MSI2: variants seen among roughly 807,000 people sequenced by gnomAD.
MSI2 encodes the protein RNA-binding protein Musashi homolog 2.
MSI2 carries 17 observed loss-of-function variants against 45.6 expected under a neutral mutation model. The observed-to-expected ratio is 0.37, with a 90% CI of 0.26 to 0.56. MSI2 has a LOEUF of 0.56. Among genes scored for constraint, MSI2 ranks in the 20% least tolerant of loss-of-function variants. MSI2 has a pLI of 0.77. For synonymous variants in MSI2, 156 were observed against 158.2 expected, an observed-to-expected ratio of 0.99 and a Z score of 0.11; for missense variants, 293 against 444.2, an observed-to-expected ratio of 0.66 and a Z score of 3.06.
In MSI2 at chr17:57,631,639, G is replaced by A; in HGVS notation, c.727+4336G>A. 6 of 676,848 alleles carry A rather than the reference G, an allele frequency of 8.9e-6. No individual in the cohort carries two copies. The South Asian group carries it at 1.2e-4, about 14-fold the overall frequency. The allele number at this position is 676,848 out of a possible 1,614,324, so 41.9% of individuals were successfully genotyped here. On this transcript the variant is annotated intron_variant, in intron 10 of 13. Transcript: ENST00000284073. ...AACAGCTCCTTCTTCCCACATCCAG[G>A]TGTCCACCCCAGCCTGGAATTTGGA...
chr17:57,315,037 G>C (rs1183135223), intron 5 of MSI2, among the ~76,000 whole-genome samples: 1 of 152,168 alleles, frequency 6.6e-6, no homozygotes, highest in African/African-American at 2.4e-5. Flanking sequence ...TGTGGATTGG[G>C]CTTTAGGAGC....
chr17:57,547,853 TG>T (rs920187621), intron 7 of MSI2, among the ~76,000 whole-genome samples: 1 of 152,020 alleles, frequency 6.6e-6, no homozygotes, highest in African/African-American at 2.4e-5. Context: ...AGGAAAGGAT[TG>T]TTTCAGGGGA....
intron 10 of MSI2, among the ~76,000 whole-genome samples, chr17:57,645,763 C>T (rs1344984301): frequency 2.0e-5 from 3 of 152,174 alleles, no homozygotes; most frequent in African/African-American, 7.2e-5. Flanking sequence ...GCCGAGGCTG[C>T]TCTGCAGACC....
chr17:57,334,025 T>A (rs1914494568), intron 5 of MSI2, among the ~76,000 whole-genome samples: 1 of 152,152 alleles, frequency 6.6e-6, no homozygotes, highest in Non-Finnish European at 1.5e-5. Flanking sequence ...TTCACTCCAT[T>A]GTTGTCTCCA....
At chr17:57,691,754 T>C in the MSI2 span, among the ~76,000 whole-genome samples, 8 of 152,230 alleles carry the variant, frequency 5.3e-5, no homozygotes, top group African/African-American at 1.7e-4. Context: ...ATTGGGACTT[T>C]CTATGTAGAT....
chr17:57,613,157 T>G (rs1227339830), intron 8 of MSI2, among the ~76,000 whole-genome samples: 1 of 152,236 alleles, frequency 6.6e-6, no homozygotes, highest in African/African-American at 2.4e-5. Flanking sequence ...TCCCTGTTGC[T>G]TAGCAGAAAG....
At position 57,440,413 on chromosome 17, in the gene MSI2, C is replaced by CGTGTGTGTGTGTGTGTGTGTGTGT. The variant is rs71139995; in HGVS notation, c.405+38973_405+38996dup. 1.9e-4 allele frequency among the ~76,000 whole-genome samples: 20 copies of CGTGTGTGTGTGTGTGTGTGTGTGT among 104,594 alleles called. 1 individual carries two copies. Among genetic ancestry groups the CGTGTGTGTGTGTGTGTGTGTGTGT allele is most frequent in the Admixed American group, 4.5e-4 (4 of 8,884 alleles). The allele number at this position is 104,594 out of a possible 152,430, so 68.6% of individuals were successfully genotyped here. On this transcript the variant is annotated intron_variant, in intron 6 of 13. Coordinates refer to ENST00000284073, the MANE Select transcript of MSI2 (RefSeq NM_138962.4). ...ACAGTCTTACCTGGGGTTTGTTATC[C>CGTGTGTGTGTGTGTGTGTGTGTGT]GTGTGTGTGTGTGTGTGTGTGTGTG...
chr17:57,683,005 AG>A lies in MSI2; in HGVS notation c.*3489del, dbSNP rs1487229175. On this transcript the variant is annotated 3_prime_UTR_variant, in exon 14 of 14. Transcript: ENST00000284073. The surrounding 1 kb of genome is among the most constrained non-coding windows in gnomAD (Gnocchi z 5.2). Reference sequence around the variant, plus strand: ...TTCCTTATATCCACTGGGAACAAACAGCCTCGCGCTCTATACCAAACAGCCT... The same window carrying A: ...TTCCTTATATCCACTGGGAACAAACACCTCGCGCTCTATACCAAACAGCCT... The A allele has an allele frequency of 4.4e-6, 1 of 229,740 alleles. No homozygotes were observed. The highest frequency in any genetic ancestry group is 8.6e-6 in the Non-Finnish European group (1 of 115,986). 14.2% of individuals were successfully genotyped at this position (229,740 alleles called of 1,614,324 possible).
chr17:57,343,717 A>C (rs1915364773), intron 5 of MSI2, among the ~76,000 whole-genome samples: 1 of 152,226 alleles, frequency 6.6e-6, no homozygotes, highest in African/African-American at 2.4e-5. Context: ...ATGGAGGATC[A>C]GGTATAACAT....
intron 11 of MSI2, among the ~76,000 whole-genome samples, chr17:57,654,984 G>A (rs1466494977): frequency 6.8e-6 from 1 of 147,770 alleles, no homozygotes; most frequent in African/African-American, 2.5e-5. Context: ...AGCACTTGCT[G>A]AGGGCCGTGG....
At chr17:57,399,060 G>A (rs2083941016) in intron 5 of MSI2, among the ~76,000 whole-genome samples, 1 of 152,226 alleles carries the variant, frequency 6.6e-6, no homozygotes. Context: ...AATCTGGAAA[G>A]GGCTTGATGG....
chr17:57,324,338 A>G (rs1913609124), intron 5 of MSI2, among the ~76,000 whole-genome samples: 1 of 152,126 alleles, frequency 6.6e-6, no homozygotes, highest in Admixed American at 6.5e-5. Flanking sequence ...GGCTGCACAG[A>G]CAGGAGGCAG....
At chr17:57,378,862 A>G (rs756996669) in intron 5 of MSI2, among the ~76,000 whole-genome samples, 119 of 152,134 alleles carry the variant, frequency 7.8e-4, no homozygotes, top group Admixed American at 1.7e-3. Context: ...TCTGCACCCA[A>G]TGTGGAATGA....
At chr17:57,568,617 C>G (rs537977652) in intron 7 of MSI2, among the ~76,000 whole-genome samples, 1 of 152,308 alleles carries the variant, frequency 6.6e-6, no homozygotes, top group African/African-American at 2.4e-5. Context: ...ACCTCTAATC[C>G]CCTTCTTCCC....
intron 5 of MSI2, among the ~76,000 whole-genome samples, chr17:57,362,745 G>GA (rs201729156): frequency 9.2e-4 from 139 of 150,514 alleles, no homozygotes; most frequent in Non-Finnish European, 1.6e-3. Flanking sequence ...TTTTCTACTT[G>GA]AAAAAAAAAT....
intron 7 of MSI2, among the ~76,000 whole-genome samples, chr17:57,581,004 CTTTTTTTTTTTT>C (rs3059122): frequency 3.0e-5 from 2 of 66,502 alleles, no homozygotes; most frequent in African/African-American, 6.2e-5. Flanking sequence ...AGGTCAGCAT[CTTTTTTTTTTTT>C]TTTTTTTTTT....
At chr17:57,694,619 A>T in the MSI2 span, among the ~76,000 whole-genome samples, 1 of 152,180 alleles carries the variant, frequency 6.6e-6, no homozygotes, top group Non-Finnish European at 1.5e-5. Flanking sequence ...TAGAAGGCTA[A>T]GCACAAACAA....
rs1283242699 is a variant in MSI2, at chr17:57,500,050, G to A, written c.406-29626G>A. ...TAGAGCTCACCTCGGGATTGGAGGC[G>A]TATTGAGGTCCTATCGTAGATCGCA... On this transcript the variant is annotated intron_variant, in intron 6 of 13. Transcript: ENST00000284073. 5.9e-5 allele frequency among the ~76,000 whole-genome samples: 9 copies of A among 152,224 alleles called. No homozygotes were observed. In the East Asian group the frequency reaches 7.7e-4, roughly 13 times the overall value.
intron 9 of MSI2, among the ~76,000 whole-genome samples, chr17:57,624,480 T>C (rs61466892): frequency 0.01 from 1,580 of 152,338 alleles, 31 homozygotes; most frequent in African/African-American, 0.036. Flanking sequence ...TTAAGGCATC[T>C]GAGCCCTGGC....
Sources: allele counts gnomAD v4.1 joint callset (sites outside exome capture counted in the v4.1 genomes callset), GRCh38; gene constraint gnomAD v4.1.1; non-coding constraint Gnocchi (gnomAD v3.1); transcripts MANE v1.5; gene names NCBI Gene and HGNC (gene_info 2026-07-23, HGNC 2026-07-21).